The following SLC35F3 variants were observed in gnomAD, a reference collection of about 807,000 sequenced individuals.
SLC35F3 encodes the protein solute carrier family 35 member F3, also known as putative thiamine transporter SLC35F3.
A neutral mutation model predicts 49.9 loss-of-function variants in SLC35F3; 25 were observed. That is an observed-to-expected ratio of 0.50 (90% CI 0.37 to 0.70). SLC35F3 has a LOEUF of 0.70. SLC35F3 is among the 30% of genes least tolerant of loss of function. The pLI, the probability that SLC35F3 is intolerant of heterozygous loss-of-function variation, is 0.00. For synonymous variants in SLC35F3, 275 were observed against 265.4 expected (o/e 1.04, Z -0.35); for missense variants, 525 against 639.8 (o/e 0.82, Z 1.94).
chr1:233,979,809 A>G (rs1663150976), intron 2 of SLC35F3, among the ~76,000 whole-genome samples: 1 of 152,204 alleles, frequency 6.6e-6, no homozygotes, highest in Admixed American at 6.5e-5. Context: ...AGCCACAGGC[A>G]TATGAAAATT....
At chr1:234,117,805 G>A (rs1338837307) in intron 2 of SLC35F3, among the ~76,000 whole-genome samples, 1 of 150,808 alleles carries the variant, frequency 6.6e-6, no homozygotes, top group African/African-American at 2.4e-5. Flanking sequence ...AGAATGGTGT[G>A]AACCCGGCAG....
intron 4 of SLC35F3, among the ~76,000 whole-genome samples, 170 bp downstream of exon 4, chr1:234,309,490 C>G (rs1657296580): frequency 6.6e-6 from 1 of 152,250 alleles, no homozygotes; most frequent in Non-Finnish European, 1.5e-5. Context: ...CTTGGTGTGC[C>G]TTGCCAACCT....
At chr1:234,025,117 G>A (rs569047812) in intron 2 of SLC35F3, among the ~76,000 whole-genome samples, 8 of 152,194 alleles carry the variant, frequency 5.3e-5, no homozygotes, top group Non-Finnish European at 1.0e-4. Flanking sequence ...AATGGCCTCC[G>A]GCCACATTCA....
At chr1:234,197,639 G>A (rs894951096) in intron 2 of SLC35F3, among the ~76,000 whole-genome samples, 7 of 152,230 alleles carry the variant, frequency 4.6e-5, no homozygotes, top group Admixed American at 3.9e-4. Flanking sequence ...CAGTTCTCCT[G>A]CCCACAAGAA....
chr1:234,301,832 A>G (rs574151513), intron 3 of SLC35F3, among the ~76,000 whole-genome samples: 67 of 152,390 alleles, frequency 4.4e-4, no homozygotes, highest in African/African-American at 1.1e-3. Context: ...AGTGCAGTAC[A>G]TATACACCAT....
At chr1:234,155,234 C>T (rs76491601) in intron 2 of SLC35F3, among the ~76,000 whole-genome samples, 2,536 of 152,068 alleles carry the variant, frequency 0.017, 55 homozygotes, top group African/African-American at 0.053. Flanking sequence ...GATTTATCTG[C>T]TTTGTTTCAT....
intron 2 of SLC35F3, among the ~76,000 whole-genome samples, chr1:234,184,900 G>A (rs767400874): frequency 1.3e-5 from 2 of 150,800 alleles, no homozygotes; most frequent in Admixed American, 6.6e-5. Context: ...CAGAATCTCA[G>A]GGCCTGCCCC....
At chr1:234,122,824 T>A (rs1354171529) in intron 2 of SLC35F3, among the ~76,000 whole-genome samples, 2 of 152,254 alleles carry the variant, frequency 1.3e-5, no homozygotes, top group African/African-American at 4.8e-5. Flanking sequence ...CTGTATAGTA[T>A]TCCATGGTGT....
chr1:234,249,402 C>A (rs1050332482), intron 3 of SLC35F3, among the ~76,000 whole-genome samples: 1 of 152,184 alleles, frequency 6.6e-6, no homozygotes, highest in South Asian at 2.1e-4. Context: ...TGTGTGTGAA[C>A]CCTCAGGCAG....
intron 2 of SLC35F3, among the ~76,000 whole-genome samples, chr1:233,954,527 C>G (rs1053634283): frequency 2.6e-5 from 4 of 152,208 alleles, no homozygotes; most frequent in African/African-American, 9.6e-5. Context: ...GCTCTTCTGG[C>G]AAGCAACTCA....
At chr1:234,094,867 T>TC (rs1158798713) in intron 2 of SLC35F3, among the ~76,000 whole-genome samples, 2 of 152,140 alleles carry the variant, frequency 1.3e-5, no homozygotes, top group Non-Finnish European at 2.9e-5. Flanking sequence ...CCTATCTCTG[T>TC]CTAGTACATG....
At chr1:234,262,595 C>T (rs1427293213) in intron 3 of SLC35F3, among the ~76,000 whole-genome samples, 2 of 152,124 alleles carry the variant, frequency 1.3e-5, no homozygotes. Flanking sequence ...TCCGGAGGGC[C>T]GCTGGCATTT....
chr1:234,258,307 G>A (rs990780392), intron 3 of SLC35F3, among the ~76,000 whole-genome samples: 17 of 152,172 alleles, frequency 1.1e-4, no homozygotes, highest in Admixed American at 3.3e-4. Flanking sequence ...TCCTCAATAT[G>A]AGTCACAGGT....
At chr1:234,142,414 C>T (rs1402091173) in intron 2 of SLC35F3, among the ~76,000 whole-genome samples, 2 of 152,098 alleles carry the variant, frequency 1.3e-5, no homozygotes, top group African/African-American at 2.4e-5. Context: ...GCCTGGGAGA[C>T]TAGGAATAGA....
chr1:233,971,224 A>G (rs966366110), intron 2 of SLC35F3, among the ~76,000 whole-genome samples: 1 of 152,366 alleles, frequency 6.6e-6, no homozygotes, highest in East Asian at 1.9e-4. Context: ...CTGGCTGCCC[A>G]GAAGGGAGAG....
chr1:233,941,222 G>A (rs927338393), intron 2 of SLC35F3, among the ~76,000 whole-genome samples: 1 of 151,980 alleles, frequency 6.6e-6, no homozygotes, highest in African/African-American at 2.4e-5. Flanking sequence ...TCATTCTACT[G>A]GTATTTCAGT....
At chr1:234,305,573 T>C (rs1276620454) in intron 3 of SLC35F3, among the ~76,000 whole-genome samples, 1 of 151,882 alleles carries the variant, frequency 6.6e-6, no homozygotes, top group Non-Finnish European at 1.5e-5. Flanking sequence ...TTAGTAGAAA[T>C]GGGGTTTCAC....
At chr1:233,907,999 T>C (rs1383311207) in intron 2 of SLC35F3, among the ~76,000 whole-genome samples, 2 of 152,226 alleles carry the variant, frequency 1.3e-5, no homozygotes, top group Non-Finnish European at 2.9e-5. Flanking sequence ...GTGCTGGGAT[T>C]ATAGGCGTGA....
chr1:234,138,782 A>G (rs1043248333), intron 2 of SLC35F3, among the ~76,000 whole-genome samples: 5 of 152,196 alleles, frequency 3.3e-5, no homozygotes, highest in African/African-American at 1.2e-4. Context: ...AACTCCTGGC[A>G]TCAAGTGATT....
Sources: gnomAD v4.1 joint callset for allele counts (sites outside exome capture counted in the v4.1 genomes callset) on GRCh38, gnomAD v4.1.1 for gene constraint, MANE v1.5 for transcripts, NCBI Gene and HGNC (gene_info 2026-07-23, HGNC 2026-07-21) for gene names.